CFAP95: variants seen among roughly 807,000 people sequenced by gnomAD.
CFAP95 encodes cilia- and flagella-associated protein 95.
chr9:69,847,948 T>C, the CFAP95 span, among the ~76,000 whole-genome samples: 1 of 152,206 alleles, frequency 6.6e-6, no homozygotes, highest in Non-Finnish European at 1.5e-5. Flanking sequence ...TGTGCCGAAG[T>C]AAAGAATTAG....
chr9:69,848,004 C>T, the CFAP95 span, among the ~76,000 whole-genome samples: 1 of 152,166 alleles, frequency 6.6e-6, no homozygotes, highest in East Asian at 1.9e-4. Context: ...AATAGGCTCC[C>T]ACTCACATGA....
chr9:69,849,266 A>G, the CFAP95 span, among the ~76,000 whole-genome samples: 1 of 152,044 alleles, frequency 6.6e-6, no homozygotes, highest in Non-Finnish European at 1.5e-5. Flanking sequence ...AACATAGTGG[A>G]TGCTCAATAA....
At chr9:69,880,141 A>C in the CFAP95 span, among the ~76,000 whole-genome samples, 1 of 152,196 alleles carries the variant, frequency 6.6e-6, no homozygotes, top group African/African-American at 2.4e-5. Context: ...TGTTACAAAC[A>C]ATCCAATTAT....
the CFAP95 span, among the ~76,000 whole-genome samples, chr9:69,826,329 G>T: frequency 6.6e-6 from 1 of 152,292 alleles, no homozygotes; most frequent in Non-Finnish European, 1.5e-5. Context: ...AATATGCTGT[G>T]TCATTCTTCC....
the CFAP95 span, among the ~76,000 whole-genome samples, chr9:69,871,279 T>C: frequency 6.6e-6 from 1 of 152,096 alleles, no homozygotes; most frequent in Non-Finnish European, 1.5e-5. Flanking sequence ...ATGGGAGGCA[T>C]GCATGGTTCA....
At chr9:69,830,922 A>G in the CFAP95 span, among the ~76,000 whole-genome samples, 3 of 152,226 alleles carry the variant, frequency 2.0e-5, no homozygotes, top group Non-Finnish European at 4.4e-5. Flanking sequence ...GGCCTCCCAA[A>G]GTACTGGGAT....
At chr9:69,883,095 A>AT in the CFAP95 span, among the ~76,000 whole-genome samples, 9 of 152,050 alleles carry the variant, frequency 5.9e-5, no homozygotes, top group Admixed American at 5.2e-4. Context: ...TTACTGGGAG[A>AT]TTTTTTATCT....
chr9:69,829,494 G>A, the CFAP95 span, among the ~76,000 whole-genome samples: 1 of 152,140 alleles, frequency 6.6e-6, no homozygotes, highest in Admixed American at 6.6e-5. Flanking sequence ...CACCACACGG[G>A]CAAACTTGGA....
chr9:69,890,900 A>T, the CFAP95 span, among the ~76,000 whole-genome samples: 1 of 152,188 alleles, frequency 6.6e-6, no homozygotes, highest in Non-Finnish European at 1.5e-5. Context: ...GAGGATTAGG[A>T]AGCCATGGGG....
chr9:69,829,028 T>C, the CFAP95 span, among the ~76,000 whole-genome samples: 1 of 152,230 alleles, frequency 6.6e-6, no homozygotes, highest in South Asian at 2.1e-4. Context: ...AAAAATATCT[T>C]TTTAATTGTT....
At chr9:69,901,540 T>A in the CFAP95 span, among the ~76,000 whole-genome samples, 1 of 152,200 alleles carries the variant, frequency 6.6e-6, no homozygotes, top group Non-Finnish European at 1.5e-5. Context: ...TATGGCTGCA[T>A]AGTGTTCCAC....
chr9:69,851,817 A>G, the CFAP95 span, among the ~76,000 whole-genome samples: 1 of 151,544 alleles, frequency 6.6e-6, no homozygotes, highest in South Asian at 2.1e-4. Flanking sequence ...GCAGTGAGCT[A>G]TGATTGTGCC....
At chr9:69,876,539 GA>G in the CFAP95 span, among the ~76,000 whole-genome samples, 17 of 144,434 alleles carry the variant, frequency 1.2e-4, no homozygotes, top group Non-Finnish European at 2.1e-4. Context: ...TGTCTAAAAA[GA>G]AAAAAAAAAG....
At chr9:69,820,925 C>A in the CFAP95 span, 11 of 1,614,010 alleles carry the variant, frequency 6.8e-6, no homozygotes, top group South Asian at 2.2e-5. Flanking sequence ...CGACAGGAAG[C>A]AACACTGGTT....
the CFAP95 span, among the ~76,000 whole-genome samples, chr9:69,871,903 C>A: frequency 6.6e-6 from 1 of 152,164 alleles, no homozygotes; most frequent in African/African-American, 2.4e-5. Context: ...CAACCCCTCC[C>A]ACTGTTTAAT....
At chr9:69,884,198 T>C in the CFAP95 span, among the ~76,000 whole-genome samples, 1 of 152,318 alleles carries the variant, frequency 6.6e-6, no homozygotes, top group Middle Eastern at 3.4e-3. Flanking sequence ...TTGGTATATA[T>C]TTTTATGTAT....
At chr9:69,858,186 G>T in the CFAP95 span, 1 of 534,204 alleles carries the variant, frequency 1.9e-6, no homozygotes, top group Non-Finnish European at 3.3e-6. Context: ...CTCACTATTT[G>T]CAGATCCTGT....
chr9:69,826,031 T>C, the CFAP95 span, among the ~76,000 whole-genome samples: 2 of 152,088 alleles, frequency 1.3e-5, no homozygotes, highest in Non-Finnish European at 2.9e-5. Context: ...ACCAGAAAGA[T>C]AAACAGAAAA....
the CFAP95 span, among the ~76,000 whole-genome samples, chr9:69,841,502 A>G: frequency 6.6e-6 from 1 of 152,082 alleles, no homozygotes; most frequent in Non-Finnish European, 1.5e-5. Context: ...CAAATGAAGA[A>G]TTCATGGACA....
Sources: allele counts gnomAD v4.1 joint callset (sites outside exome capture counted in the v4.1 genomes callset), GRCh38; gene constraint gnomAD v4.1.1; transcripts MANE v1.5; gene names NCBI Gene and HGNC (gene_info 2026-07-23, HGNC 2026-07-21).